Variants in PON3 observed in about 807,000 individuals in gnomAD.
PON3 encodes the protein serum paraoxonase/lactonase 3.
PON3 carries 37 observed loss-of-function variants against 36.3 expected under a neutral mutation model. The ratio of observed to expected loss-of-function variants is 1.02; its 90% CI spans 0.78 to 1.34. The LOEUF is 1.34. PON3 is among the 40% of genes most tolerant of loss of function. The pLI is 0.00. For synonymous variants in PON3, 155 were observed against 154.8 expected (o/e 1.00, Z -0.01); for missense variants, 415 against 426.5 (o/e 0.97, Z 0.24).
intron 3 of PON3, among the ~76,000 whole-genome samples, chr7:95,384,374 A>T (rs888808148): frequency 2.6e-5 from 4 of 152,192 alleles, no homozygotes; most frequent in Non-Finnish European, 5.9e-5. Flanking sequence ...TAAACTAAAG[A>T]GCTTCTGCAT....
At position 95,367,539 on chromosome 7, in the gene PON3, A is replaced by G. The variant is rs1808725984; in HGVS notation, c.368-51T>C. The stretch of plus-strand genomic sequence containing the variant: ...CAAGAAAGTTACCCCTATCACAACT[A>G]ATATTAGACTTGTTTTAAAACTTGG... On this transcript the variant is annotated intron_variant, in intron 4 of 8. Transcript: ENST00000265627. 1.9e-6 allele frequency: 3 copies of G among 1,593,538 alleles called. No homozygotes were observed. The East Asian group carries it at 6.7e-5, about 36-fold the overall frequency.
chr7:95,371,536 C>T (rs1585722141), intron 4 of PON3, among the ~76,000 whole-genome samples: 2 of 152,240 alleles, frequency 1.3e-5, no homozygotes, highest in Middle Eastern at 3.4e-3. Context: ...TTTGTAGTTT[C>T]CTAATGTCTA....
intron 3 of PON3, among the ~76,000 whole-genome samples, chr7:95,381,118 G>T (rs966352897): frequency 6.6e-6 from 1 of 152,126 alleles, no homozygotes; most frequent in Non-Finnish European, 1.5e-5. Flanking sequence ...CACAAGTGAA[G>T]GAGAAATAAA....
At position 95,377,172 on chromosome 7, in the gene PON3, C is replaced by T. The variant is rs186905843; in HGVS notation, c.202-4834G>A. Among the ~76,000 whole-genome samples, 639 of 152,274 alleles carry T rather than the reference C, an allele frequency of 4.2e-3. 7 individuals are homozygous for T. Among genetic ancestry groups the T allele is most frequent in the African/African-American group, 0.014 (590 of 41,554 alleles). The stretch of plus-strand genomic sequence containing the variant: ...AGCACAGCAGTCTGAGATCAACCTG[C>T]GATGCTGCAGCTTGGCAGGGGGAGG... On this transcript the variant is annotated intron_variant, in intron 3 of 8. Coordinates refer to ENST00000265627, the MANE Select transcript of PON3 (RefSeq NM_000940.3).
At chr7:95,380,521 C>A (rs1462611990) in intron 3 of PON3, among the ~76,000 whole-genome samples, 3 of 152,150 alleles carry the variant, frequency 2.0e-5, no homozygotes, top group East Asian at 3.9e-4. Flanking sequence ...CCTGATGGAG[C>A]TGAAAACCAT....
chr7:95,370,403 T>C (rs1808785936), intron 4 of PON3, among the ~76,000 whole-genome samples: 1 of 151,946 alleles, frequency 6.6e-6, no homozygotes, highest in South Asian at 2.1e-4. Context: ...TTATAATGAG[T>C]TGATCAAAAG....
chr7:95,365,766 T>C (rs892157468), intron 5 of PON3: 2 of 152,190 alleles, frequency 1.3e-5, no homozygotes, highest in African/African-American at 4.8e-5. Flanking sequence ...GGATCCTTCC[T>C]TGCCTCTTCC....
At chr7:95,374,506 T>C (rs1281136475) in intron 3 of PON3, among the ~76,000 whole-genome samples, 1 of 152,162 alleles carries the variant, frequency 6.6e-6, no homozygotes, top group East Asian at 1.9e-4. Context: ...GTTTCCTTCC[T>C]TGAAATAAAT....
rs186170196 is a variant in PON3, at chr7:95,367,372, G to A, written c.484C>T (p.Leu162Phe). ...LVYLKTIKHE[L>F]LKSVNDIVVL... is the part of the protein sequence containing the mutation. ...ACTTTCATTCCATACCTTTTGAGAA[G>A]TTCATGTTTTATAGTTTTCAGGTAT... The change falls in exon 5 of 9, where the codon CTT becomes TTT. Residue 162 changes from leucine to phenylalanine, a missense_variant. Coordinates refer to ENST00000265627, the MANE Select transcript of PON3 (RefSeq NM_000940.3). 3.7e-6 allele frequency: 6 copies of A among 1,612,500 alleles called. No homozygotes were observed. The Admixed American group carries it at 6.7e-5, about 18-fold the overall frequency.
In PON3 at chr7:95,396,265, G is replaced by T; in HGVS notation, c.74+12C>A. 6.2e-7 allele frequency: 1 copy of T among 1,613,806 alleles called. No individual in the cohort carries two copies. The highest frequency in any genetic ancestry group is 1.1e-5 in the South Asian group (1 of 91,072). ...AAGAGAGTCGAAGACGCCCTGTCAA[G>T]ATGCCACTCACCTAAACGCCAGGAA... On this transcript the variant is annotated intron_variant, in intron 1 of 8. Transcript: ENST00000265627.
intron 6 of PON3, among the ~76,000 whole-genome samples, 192 bp from the exon 7 acceptor site, chr7:95,363,033 AT>A (rs1241504756): frequency 6.6e-6 from 1 of 152,192 alleles, no homozygotes; most frequent in Non-Finnish European, 1.5e-5. Context: ...GGCTTTGAAT[AT>A]GAGTTATGAC....
At chr7:95,372,930 G>A (rs1447190712) in intron 3 of PON3, among the ~76,000 whole-genome samples, 1 of 152,152 alleles carries the variant, frequency 6.6e-6, no homozygotes, top group Non-Finnish European at 1.5e-5. Flanking sequence ...TGACATGAAT[G>A]CTTTACTCAA....
chr7:95,389,847 G>T (rs756279471), intron 3 of PON3, among the ~76,000 whole-genome samples: 1 of 152,190 alleles, frequency 6.6e-6, no homozygotes, highest in Non-Finnish European at 1.5e-5. Context: ...GATGAGAATG[G>T]ATAGCAATAG....
intron 4 of PON3, among the ~76,000 whole-genome samples, chr7:95,369,217 C>T (rs1808758958): frequency 6.6e-6 from 1 of 152,084 alleles, no homozygotes; most frequent in South Asian, 2.1e-4. Flanking sequence ...CATAGAGTAC[C>T]TACTGTGCAT....
At chr7:95,373,734 T>C (rs1808857766) in intron 3 of PON3, among the ~76,000 whole-genome samples, 2 of 152,192 alleles carry the variant, frequency 1.3e-5, no homozygotes, top group African/African-American at 4.8e-5. Context: ...TAGTACTGTT[T>C]ATTGATTTTT....
chr7:95,364,333 A>C, intron 5 of PON3: 1 of 477,828 alleles, frequency 2.1e-6, no homozygotes. Flanking sequence ...AAACCCCAAA[A>C]TCTGTTGACT....
At chr7:95,365,541 A>C in intron 5 of PON3, 1 of 152,356 alleles carries the variant, frequency 6.6e-6, no homozygotes, top group South Asian at 2.1e-4. Context: ...CTGGAGGATA[A>C]GTCCATGATT....
In PON3 at chr7:95,364,003, A is replaced by G; in HGVS notation, c.555T>C (p.Phe185=). The G allele has an allele frequency of 6.2e-7, 1 of 1,613,946 alleles. No individual in the cohort carries two copies. The highest frequency in any genetic ancestry group is 8.5e-7 in the Non-Finnish European group (1 of 1,179,820). ...CAAAAAATGACAGGAGGGAGTTGGT[A>G]AAATAGTGGTCTCTGGTGGCATAGA... ...EQFYATRDHY[F]TNSLLSFFEM... is the part of the protein sequence containing the mutation. Residue 185 remains phenylalanine, a synonymous_variant, in exon 6 of 9, where the codon TTT becomes TTC. Coordinates refer to ENST00000265627, the MANE Select transcript of PON3 (RefSeq NM_000940.3).
intron 4 of PON3, among the ~76,000 whole-genome samples, chr7:95,368,928 T>A (rs1278727721): frequency 6.6e-6 from 1 of 152,126 alleles, no homozygotes; most frequent in Non-Finnish European, 1.5e-5. Flanking sequence ...TTATACCATC[T>A]CCAATGCAGA....
Sources: gnomAD v4.1 joint callset for allele counts (sites outside exome capture counted in the v4.1 genomes callset) on GRCh38, gnomAD v4.1.1 for gene constraint, MANE v1.5 for transcripts, NCBI Gene and HGNC (gene_info 2026-07-23, HGNC 2026-07-21) for gene names.